The following C3orf38 variants were observed in gnomAD, a reference collection of about 807,000 sequenced individuals.
The protein encoded by C3orf38 is chromosome 3 open reading frame 38, also known as uncharacterized protein C3orf38.
C3orf38 carries 18 observed loss-of-function variants against 28.3 expected under a neutral mutation model. That is an observed-to-expected ratio of 0.64 (90% CI 0.44 to 0.94). The LOEUF (loss-of-function observed/expected upper bound fraction) is 0.94. Among genes scored for constraint, C3orf38 ranks in the 40% least tolerant of loss-of-function variants. C3orf38 has a pLI of 0.00. For synonymous variants in C3orf38, 145 were observed against 138.1 expected, an observed-to-expected ratio of 1.05 and a Z score of -0.35; for missense variants, 364 against 396.4, an observed-to-expected ratio of 0.92 and a Z score of 0.69.
rs1307478642 is a variant in C3orf38, at chr3:88,150,175, G to A, written c.123G>A (p.Gln41=). 6.2e-7 allele frequency: 1 copy of A among 1,613,908 alleles called. No homozygotes were observed. Among genetic ancestry groups the A allele is most frequent in the Admixed American group, 1.7e-5 (1 of 60,002 alleles). Residue 41 remains glutamine (Q), a synonymous_variant, in exon 1 of 3, where the codon CAG becomes CAA. Coordinates refer to ENST00000318887, the MANE Select transcript of C3orf38 (RefSeq NM_173824.4). ...DTVTNRLVQP[Q]DRQDAVHAIL... ...TCACCAACCGCCTGGTGCAGCCTCAGGACCGCCAAGGTAAGGGCGGACCCT... is the reference window on the plus strand; with the variant it reads ...TCACCAACCGCCTGGTGCAGCCTCAAGACCGCCAAGGTAAGGGCGGACCCT...
Position 88,156,801 on chromosome 3 carries a change from G to T in C3orf38, c.*166G>T. 1.4e-6 allele frequency: 1 copy of T among 719,738 alleles called. No homozygotes were observed. The highest frequency in any genetic ancestry group is 2.2e-6 in the Non-Finnish European group (1 of 455,890). The allele number at this position is 719,738 out of a possible 1,614,324, so 44.6% of individuals were successfully genotyped here. ...CAGATGTGAAAATTGACATATTTTAGTTGAAATACCTTTCTGGACTACAGA... is the reference window on the plus strand; with the variant it reads ...CAGATGTGAAAATTGACATATTTTATTTGAAATACCTTTCTGGACTACAGA... On this transcript the variant is annotated 3_prime_UTR_variant, in exon 3 of 3. Coordinates refer to ENST00000318887, the MANE Select transcript of C3orf38 (RefSeq NM_173824.4).
In C3orf38 at chr3:88,157,183, C is replaced by T. The variant is rs1707491732; in HGVS notation, c.*548C>T. ...CATTTTAGAAAATTTAAATAACATT[C>T]TTTTTGCAAAAAAGTCCAATAATTT... On this transcript the variant is annotated 3_prime_UTR_variant, in exon 3 of 3. Transcript: ENST00000318887. 6.6e-6 allele frequency: 1 copy of T among 152,134 alleles called. No individual in the cohort carries two copies. The highest frequency in any genetic ancestry group is 6.5e-5 in the Admixed American group (1 of 15,274). 9.4% of individuals were successfully genotyped at this position (152,134 alleles called of 1,614,324 possible).
In C3orf38 at chr3:88,150,204, C is replaced by A. The variant is rs1170472767; in HGVS notation, c.133+19C>A. On this transcript the variant is annotated intron_variant, in intron 1 of 2. Coordinates refer to ENST00000318887, the MANE Select transcript of C3orf38 (RefSeq NM_173824.4). ...CGCCAAGGTAAGGGCGGACCCTTCA[C>A]CTAGAAGGCTGCCGCCCCTTCCCCG... 6.2e-7 allele frequency: 1 copy of A among 1,612,708 alleles called. No homozygotes were observed.
chr3:88,151,899 T>C (rs533679118), intron 1 of C3orf38, among the ~76,000 whole-genome samples: 1 of 152,188 alleles, frequency 6.6e-6, no homozygotes, highest in Non-Finnish European at 1.5e-5. Flanking sequence ...ACTTATGCTG[T>C]ACAACTATAA....
chr3:88,154,097 T>C (rs1471021889), intron 2 of C3orf38, among the ~76,000 whole-genome samples: 1 of 151,966 alleles, frequency 6.6e-6, no homozygotes, highest in East Asian at 1.9e-4. Flanking sequence ...CTCCGTGTAA[T>C]TTTTTTTCAC....
Position 88,156,615 on chromosome 3 carries a change from G to T in C3orf38, c.970G>T (p.Gly324Ter), listed in dbSNP as rs1262190781. ...TAATGTAAAGCAGGCTTCGGATAGT[G>T]GAACTGGGGACCAAGTTTGAGGTAG... The part of the protein sequence containing the change: ...RHNVKQASDS[G>*]TGDQV The change falls in exon 3 of 3, where the codon GGA becomes TGA. Residue 324 changes from glycine to a stop codon, truncating the protein, a stop_gained. Transcript: ENST00000318887. LOFTEE classifies it high-confidence loss of function. 1.9e-6 allele frequency: 3 copies of T among 1,610,048 alleles called. No individual in the cohort carries two copies. The highest frequency in any genetic ancestry group is 2.5e-6 in the Non-Finnish European group (3 of 1,178,184).
rs769846161 is a variant in C3orf38 at position 88,156,104 on chromosome 3, T to C, written c.459T>C (p.Leu153=). The C allele has an allele frequency of 1.2e-6, 2 of 1,606,210 alleles. No individual in the cohort carries two copies. The highest frequency in any genetic ancestry group is 1.7e-6 in the Non-Finnish European group (2 of 1,177,446). ...EEFCHWFFGL[L]NSQNPFLGPP... The stretch of plus-strand genomic sequence containing the variant: ...TCTGTCATTGGTTCTTTGGACTTCT[T>C]AATTCTCAGAATCCTTTTCTAGGAC... The change falls in exon 3 of 3, where the codon CTT becomes CTC. Residue 153 remains leucine (L), a synonymous_variant. Transcript: ENST00000318887.
At chr3:88,152,738 G>T in intron 1 of C3orf38, among the ~76,000 whole-genome samples, 1 of 132,388 alleles carries the variant, frequency 7.6e-6, no homozygotes, top group East Asian at 2.2e-4. Context: ...CTGGGCGACA[G>T]AGCAAGACTC....
At chr3:88,155,173 T>A (rs1707462534) in intron 2 of C3orf38, among the ~76,000 whole-genome samples, 1 of 152,068 alleles carries the variant, frequency 6.6e-6, no homozygotes, top group East Asian at 1.9e-4. Context: ...AGTAACATTT[T>A]CTGTGAAAAA....
Position 88,150,154 on chromosome 3 carries a change from C to T in C3orf38, c.102C>T (p.Thr34=), listed in dbSNP as rs538199238. 8.1e-6 allele frequency: 13 copies of T among 1,614,168 alleles called. No homozygotes were observed. In the African/African-American group the frequency reaches 1.7e-4, roughly 22 times the overall value. ...DEIMALCDTV[T]NRLVQPQDRQ... ...TCATGGCCCTATGCGACACTGTCAC[C>T]AACCGCCTGGTGCAGCCTCAGGACC... is the stretch of plus-strand genomic sequence containing the variant. The change falls in exon 1 of 3, where the codon ACC becomes ACT. Residue 34 remains threonine (T), a synonymous_variant. Transcript: ENST00000318887.
At chr3:88,155,405 CACTT>C (rs1293500155) in intron 2 of C3orf38, among the ~76,000 whole-genome samples, 1 of 105,902 alleles carries the variant, frequency 9.4e-6, no homozygotes, top group Non-Finnish European at 2.1e-5. Flanking sequence ...TCTGAGGAAA[CACTT>C]ACATAAATCA....
intron 1 of C3orf38, among the ~76,000 whole-genome samples, chr3:88,151,906 A>G (rs1707419435): frequency 6.6e-6 from 1 of 152,218 alleles, no homozygotes; most frequent in Non-Finnish European, 1.5e-5. Flanking sequence ...CTGTACAACT[A>G]TAAAAGAAGG....
chr3:88,152,733 C>T (rs1158567962), intron 1 of C3orf38, among the ~76,000 whole-genome samples: 1 of 135,648 alleles, frequency 7.4e-6, no homozygotes, highest in Non-Finnish European at 1.5e-5. Flanking sequence ...CCAGCCTGGG[C>T]GACAGAGCAA....
Position 88,157,494 on chromosome 3 carries a change from G to A in C3orf38, c.*859G>A, listed in dbSNP as rs1341608370. On this transcript the variant is annotated 3_prime_UTR_variant, in exon 3 of 3. Coordinates refer to ENST00000318887, the MANE Select transcript of C3orf38 (RefSeq NM_173824.4). ...AAACGAATTACCGTTCTTCCTCTTG[G>A]CTGATCTTGGCAGAGATGACAAAAA... is the stretch of plus-strand genomic sequence containing the variant. 2.0e-5 allele frequency: 3 copies of A among 152,024 alleles called. No individual in the cohort carries two copies. The highest frequency in any genetic ancestry group is 2.0e-4 in the Admixed American group (3 of 15,256). 9.4% of individuals were successfully genotyped at this position (152,024 alleles called of 1,614,324 possible).
rs1281120155 is a variant in C3orf38, at chr3:88,156,025, TGAAA to T, written c.384_387del (p.Glu129IlefsTer12). 6.5e-7 allele frequency: 1 copy of T among 1,532,192 alleles called. No homozygotes were observed. The highest frequency in any genetic ancestry group is 2.2e-5 in the Admixed American group (1 of 45,684). The allele number at this position is 1,532,192 out of a possible 1,614,324, so 94.9% of individuals were successfully genotyped here. On this transcript the variant is annotated frameshift_variant, in exon 3 of 3. Transcript: ENST00000318887. LOFTEE classifies it high-confidence loss of function. ...TATTTTATTTGTTTCAATCAGCAGG[TGAAA>T]GAAGATAAAAAAGCTGAAAAAGTTG...
At position 88,156,717 on chromosome 3, in the gene C3orf38, A is replaced by G; in HGVS notation, c.*82A>G. On this transcript the variant is annotated 3_prime_UTR_variant, in exon 3 of 3. Transcript: ENST00000318887. Reference sequence around the variant, plus strand: ...AAAGCGCTAAGTACTGTCAGCCTGAAAAAAATCTTCTATACAGAAACTCTT... The same window carrying G: ...AAAGCGCTAAGTACTGTCAGCCTGAGAAAAATCTTCTATACAGAAACTCTT... 1 of 1,418,344 alleles carries G rather than the reference A, an allele frequency of 7.1e-7. No individual in the cohort carries two copies. Among genetic ancestry groups the G allele is most frequent in the Non-Finnish European group, 9.5e-7 (1 of 1,049,850 alleles). The allele number at this position is 1,418,344 out of a possible 1,614,324, so 87.9% of individuals were successfully genotyped here.
intron 2 of C3orf38, among the ~76,000 whole-genome samples, chr3:88,154,741 C>G (rs1707457734): frequency 6.6e-6 from 1 of 152,144 alleles, no homozygotes; most frequent in Non-Finnish European, 1.5e-5. Flanking sequence ...GCACAGTGCC[C>G]AGTGTATTAA....
intron 2 of C3orf38, among the ~76,000 whole-genome samples, chr3:88,155,146 C>G (rs1251569004): frequency 6.6e-6 from 1 of 152,086 alleles, no homozygotes; most frequent in Non-Finnish European, 1.5e-5. Context: ...AGGCATGAAC[C>G]ACCACGCCCA....
rs747491654 is a variant in C3orf38, at chr3:88,156,088, G to C, written c.443G>C (p.Trp148Ser). 1.9e-6 allele frequency: 3 copies of C among 1,590,308 alleles called. No individual in the cohort carries two copies. Among genetic ancestry groups the C allele is most frequent in the Non-Finnish European group, 2.6e-6 (3 of 1,170,612 alleles). The change falls in exon 3 of 3, where the codon TGG becomes TCG. Residue 148 changes from tryptophan to serine, a missense_variant. Physicochemically the swap from Trp to Ser is radical, Grantham distance 177. Transcript: ENST00000318887. ...FRRLGEEFCH[W>S]FFGLLNSQNP... ...CGCCTAGGAGAAGAATTCTGTCATT[G>C]GTTCTTTGGACTTCTTAATTCTCAG...
Sources: allele counts gnomAD v4.1 joint callset (sites outside exome capture counted in the v4.1 genomes callset), GRCh38; gene constraint gnomAD v4.1.1; transcripts MANE v1.5; gene names NCBI Gene and HGNC (gene_info 2026-07-23, HGNC 2026-07-21).